DERA: variants seen among roughly 807,000 people sequenced by gnomAD.
The protein encoded by DERA is deoxyribose-phosphate aldolase, also known as 2-deoxy-D-ribose 5-phosphate aldolase.
DERA carries 15 observed loss-of-function variants against 41.1 expected under a neutral mutation model. The ratio of observed to expected loss-of-function variants is 0.37; its 90% confidence interval spans 0.24 to 0.56. The LOEUF (loss-of-function observed/expected upper bound fraction) is 0.56. DERA is among the 20% of genes least tolerant of loss of function. DERA has a pLI of 0.81. For missense variants in DERA, 396 were observed against 403.4 expected, an observed-to-expected ratio of 0.98 and a Z score of 0.16; for synonymous variants, 139 against 137.4, an observed-to-expected ratio of 1.01 and a Z score of -0.08.
In DERA at chr12:15,984,277, C is replaced by T. The variant is rs189221328; in HGVS notation, c.637+1841C>T. On this transcript the variant is annotated intron_variant, in intron 6 of 8. Coordinates refer to ENST00000428559, the MANE Select transcript of DERA (RefSeq NM_015954.4). The surrounding 1 kb of genome is among the most constrained non-coding windows in gnomAD (Gnocchi z 4.5). ...AGCCAACCCTGTCCTACGCACAGCA[C>T]CTACTACTCATGATACAAATGTGGT... is the stretch of plus-strand genomic sequence containing the variant. Among the ~76,000 whole-genome samples the T allele has an allele frequency of 2.5e-4, 38 of 152,284 alleles. No individual in the cohort carries two copies. The East Asian group carries it at 7.1e-3, about 29-fold the overall frequency.
intron 2 of DERA, 61 bp from the exon 3 acceptor site, chr12:15,958,127 G>T: frequency 7.1e-7 from 1 of 1,402,242 alleles, no homozygotes; most frequent in Non-Finnish European, 9.6e-7. Flanking sequence ...CACCTGGGTT[G>T]GAGGTTGGTT....
intron 6 of DERA, among the ~76,000 whole-genome samples, chr12:16,006,038 A>T (rs1480665412): frequency 6.6e-5 from 10 of 152,210 alleles, no homozygotes; most frequent in Admixed American, 6.5e-4. Context: ...ATTTAAGCCT[A>T]TTAAAAGTTA....
At chr12:15,964,417 G>A (rs945996797) in intron 5 of DERA, among the ~76,000 whole-genome samples, 1 of 152,088 alleles carries the variant, frequency 6.6e-6, no homozygotes, top group Non-Finnish European at 1.5e-5. Context: ...ATTCTTGCCA[G>A]GTTTAAACTC....
rs904417066 is a variant in DERA, at chr12:16,000,685, G to A, written c.637+18249G>A. Among the ~76,000 whole-genome samples the A allele has an allele frequency of 5.3e-5, 8 of 152,204 alleles. No homozygotes were observed. Among genetic ancestry groups the A allele is most frequent in the Non-Finnish European group, 2.9e-5 (2 of 68,024 alleles). ...ATTTAGATCATCCATGTCACACAAA[G>A]CCAGCAAAGGCTGTTTGTAGAACGT... On this transcript the variant is annotated intron_variant, in intron 6 of 8. Coordinates refer to ENST00000428559, the MANE Select transcript of DERA (RefSeq NM_015954.4). The surrounding 1 kb of genome is among the most constrained non-coding windows in gnomAD (Gnocchi z 4.8).
intron 3 of DERA, 137 bp downstream of exon 3, chr12:15,958,472 G>T: frequency 2.3e-6 from 1 of 436,308 alleles, no homozygotes; most frequent in Non-Finnish European, 3.6e-6. Flanking sequence ...TGTATACATA[G>T]ACAGATTCTT....
chr12:15,916,199 GTTAGTGAAGT>G (rs1212277356), intron 1 of DERA: 2 of 152,154 alleles, frequency 1.3e-5, no homozygotes, highest in Admixed American at 1.3e-4. Context: ...AGGGTTCGAT[GTTAGTGAAGT>G]TTTCAAGGAT....
chr12:15,923,187 T>C (rs1257369462), intron 1 of DERA, among the ~76,000 whole-genome samples: 2 of 150,862 alleles, frequency 1.3e-5, no homozygotes, highest in African/African-American at 2.4e-5. Flanking sequence ...TACGCCCGGC[T>C]AATTTTTTGT....
chr12:15,928,706 C>T lies in DERA; in HGVS notation c.31+17292C>T, dbSNP rs1051520847. On this transcript the variant is annotated intron_variant, in intron 1 of 8. Coordinates refer to ENST00000428559, the MANE Select transcript of DERA (RefSeq NM_015954.4). The surrounding 1 kb of genome is among the most constrained non-coding windows in gnomAD (Gnocchi z 4.6). The stretch of plus-strand genomic sequence containing the variant: ...CTGTCTGGGAGAAGAATAGAAAATT[C>T]GGCTCTCACTAAAGTGTGAAAGCCT... Among the ~76,000 whole-genome samples the T allele has an allele frequency of 2.0e-5, 3 of 152,122 alleles. No homozygotes were observed. The highest frequency in any genetic ancestry group is 2.9e-5 in the Non-Finnish European group (2 of 68,006).
At chr12:15,979,947 C>G (rs1471521524) in intron 5 of DERA, among the ~76,000 whole-genome samples, 3 of 152,166 alleles carry the variant, frequency 2.0e-5, no homozygotes. Context: ...ATTTGTTTTA[C>G]AGGCCAAAGT....
Position 15,990,720 on chromosome 12 carries a change from G to A in DERA, c.637+8284G>A, listed in dbSNP as rs1256945869. On this transcript the variant is annotated intron_variant, in intron 6 of 8. Transcript: ENST00000428559. The surrounding 1 kb of genome is among the most constrained non-coding windows in gnomAD (Gnocchi z 4.3). The stretch of plus-strand genomic sequence containing the variant: ...ATTTGGTATTTGGTTTTCTGTTCCC[G>A]TGTTAGTTTGCTAAGGATAATGGCC... 3.3e-5 allele frequency among the ~76,000 whole-genome samples: 5 copies of A among 152,040 alleles called. No homozygotes were observed. The highest frequency in any genetic ancestry group is 4.4e-5 in the Non-Finnish European group (3 of 68,012).
chr12:16,011,589 G>A lies in DERA; in HGVS notation c.638-20953G>A, dbSNP rs1235273724. Among the ~76,000 whole-genome samples the A allele has an allele frequency of 6.6e-6, 1 of 152,132 alleles. No individual in the cohort carries two copies. Among genetic ancestry groups the A allele is most frequent in the Admixed American group, 6.5e-5 (1 of 15,272 alleles). On this transcript the variant is annotated intron_variant, in intron 6 of 8. Coordinates refer to ENST00000428559, the MANE Select transcript of DERA (RefSeq NM_015954.4). The surrounding 1 kb of genome is among the most constrained non-coding windows in gnomAD (Gnocchi z 4.7). The stretch of plus-strand genomic sequence containing the variant: ...CTCTCAGCAAAAGTAAAAGAAAAGA[G>A]AATGTGTTAGATACGATTTTGTCAT...
intron 5 of DERA, 73 bp downstream of exon 5, chr12:15,963,020 G>T: frequency 2.0e-6 from 3 of 1,535,474 alleles, no homozygotes; most frequent in Middle Eastern, 1.7e-4. Flanking sequence ...GTAAGATGTG[G>T]TATGTTTTAG....
At chr12:15,949,697 C>G (rs1022434469) in intron 1 of DERA, among the ~76,000 whole-genome samples, 1 of 152,120 alleles carries the variant, frequency 6.6e-6, no homozygotes, top group Non-Finnish European at 1.5e-5. Flanking sequence ...GTGGGCTGCA[C>G]CCACTGTCCT....
At chr12:15,946,371 G>A (rs1948448915) in intron 1 of DERA, among the ~76,000 whole-genome samples, 3 of 152,100 alleles carry the variant, frequency 2.0e-5, no homozygotes, top group African/African-American at 7.2e-5. Flanking sequence ...ACTTTTTTTG[G>A]TTGGTAAGGT....
rs1243229512 is a variant in DERA at position 16,037,124 on chromosome 12, G to A, written c.*378G>A. On this transcript the variant is annotated 3_prime_UTR_variant, in exon 9 of 9. Transcript: ENST00000428559. The surrounding 1 kb of genome is among the most constrained non-coding windows in gnomAD (Gnocchi z 6.7). ...AATGCAACATCTCGCAAGCGCTGCT[G>A]TAACGACTTCAGGAGTCACTGATTC... is the stretch of plus-strand genomic sequence containing the variant. The A allele has an allele frequency of 5.6e-6, 1 of 177,696 alleles. No individual in the cohort carries two copies. Among genetic ancestry groups the A allele is most frequent in the Non-Finnish European group, 1.2e-5 (1 of 85,658 alleles). The allele number at this position is 177,696 out of a possible 1,614,324, so 11.0% of individuals were successfully genotyped here. A position where few individuals can be genotyped will look rare whatever the true frequency, so the allele number is the denominator to read the frequency against.
intron 5 of DERA, among the ~76,000 whole-genome samples, chr12:15,978,096 T>C (rs1450965): frequency 0.62 from 94,758 of 152,040 alleles, 29,889 homozygotes; most frequent in East Asian, 0.82. Context: ...AAGGAAAGTG[T>C]CAGCTGAGTT....
At chr12:15,947,262 T>C (rs1948457243) in intron 1 of DERA, among the ~76,000 whole-genome samples, 1 of 152,216 alleles carries the variant, frequency 6.6e-6, no homozygotes, top group Non-Finnish European at 1.5e-5. Context: ...TGGATATCCT[T>C]GTTAACTTTC....
chr12:15,997,813 G>T (rs1948849225), intron 6 of DERA, among the ~76,000 whole-genome samples: 4 of 152,170 alleles, frequency 2.6e-5, no homozygotes, highest in Admixed American at 2.6e-4. Flanking sequence ...ACTAAAAGGT[G>T]TTTACAAATT....
chr12:15,987,634 A>G (rs958020555), intron 6 of DERA, among the ~76,000 whole-genome samples: 5 of 152,128 alleles, frequency 3.3e-5, no homozygotes, highest in East Asian at 1.9e-4. Context: ...ATATTATCCT[A>G]TAGGTTACTG....
Sources: allele counts gnomAD v4.1 joint callset (sites outside exome capture counted in the v4.1 genomes callset), GRCh38; gene constraint gnomAD v4.1.1; non-coding constraint Gnocchi (gnomAD v3.1); transcripts MANE v1.5; gene names NCBI Gene and HGNC (gene_info 2026-07-23, HGNC 2026-07-21).